CHN2: variants seen among roughly 807,000 people sequenced by gnomAD.
The protein encoded by CHN2 is beta-chimaerin.
CHN2 carries 35 observed loss-of-function variants against 56.3 expected under a neutral mutation model. That is an observed-to-expected ratio of 0.62 (90% confidence interval 0.47 to 0.82). The LOEUF (loss-of-function observed/expected upper bound fraction) is 0.82, where lower values mean the gene tolerates loss of function less well. CHN2 is among the 40% of genes least tolerant of loss of function. CHN2 has a pLI of 0.00. For synonymous variants in CHN2, 210 were observed against 212.8 expected (o/e 0.99, Z 0.12); for missense variants, 491 against 580.5 (o/e 0.85, Z 1.58).
At chr7:29,293,365 C>CT (rs1347298940) in intron 1 of CHN2, among the ~76,000 whole-genome samples, 1 of 40,544 alleles carries the variant, frequency 2.5e-5, no homozygotes, top group South Asian at 1.5e-3. Flanking sequence ...AGCTAATGCC[C>CT]CCCCCCCCCC....
chr7:29,480,268 C>T lies in CHN2; in HGVS notation c.577-11C>T, dbSNP rs988712495. On this transcript the variant is annotated splice_polypyrimidine_tract_variant and intron_variant, in intron 6 of 12. Coordinates refer to ENST00000222792, the MANE Select transcript of CHN2 (RefSeq NM_004067.4). ...CTTTGGCCCCCTCTCAAACTCTTTG[C>T]CTGTTCACAGATCTCCTCCCTGGTT... 2 of 1,614,092 alleles carry T rather than the reference C, an allele frequency of 1.2e-6. No homozygotes were observed. Among genetic ancestry groups the T allele is most frequent in the African/African-American group, 2.7e-5 (2 of 74,926 alleles).
At chr7:29,195,073 C>G (rs1436270830) in intron 1 of CHN2, 83 bp downstream of exon 1, 1 of 1,407,760 alleles carries the variant, frequency 7.1e-7, no homozygotes, top group Non-Finnish European at 9.6e-7. Flanking sequence ...TGGACAGAGC[C>G]TACCTGTGGC....
At chr7:29,394,694 T>C (rs1004835454) in intron 4 of CHN2, among the ~76,000 whole-genome samples, 4 of 152,246 alleles carry the variant, frequency 2.6e-5, no homozygotes, top group East Asian at 1.9e-4. Flanking sequence ...TGTTGTAGTA[T>C]GGCTTTTTTT....
chr7:29,472,932 G>A (rs1786231883), intron 6 of CHN2, among the ~76,000 whole-genome samples: 1 of 152,238 alleles, frequency 6.6e-6, no homozygotes, highest in African/African-American at 2.4e-5. Context: ...AAGAACCTCA[G>A]GAGACCTGAT....
chr7:29,458,014 A>C (rs3909209), intron 6 of CHN2, among the ~76,000 whole-genome samples: 12,164 of 152,246 alleles, frequency 0.08, 615 homozygotes, highest in African/African-American at 0.15. Context: ...CTACAGTTTC[A>C]ATTCCCCACT....
chr7:29,315,482 G>T lies in CHN2; in HGVS notation c.50-39143G>T, dbSNP rs1333350894. On this transcript the variant is annotated intron_variant, in intron 1 of 12. Coordinates refer to ENST00000222792, the MANE Select transcript of CHN2 (RefSeq NM_004067.4). ...ATAAGAGATGACATTGCATTAGGAG[G>T]TTACAATAATAGGATCACCTTAAAT... is the stretch of plus-strand genomic sequence containing the variant. 3.3e-5 allele frequency among the ~76,000 whole-genome samples: 5 copies of T among 152,138 alleles called. No individual in the cohort carries two copies. In the East Asian group the frequency reaches 9.6e-4, roughly 29 times the overall value.
At chr7:29,383,067 T>G (rs971553137) in intron 3 of CHN2, among the ~76,000 whole-genome samples, 2 of 152,180 alleles carry the variant, frequency 1.3e-5, no homozygotes, top group African/African-American at 4.8e-5. Flanking sequence ...AAATACGTAT[T>G]GAGCCCTTGG....
At chr7:29,306,748 G>A (rs1037848756) in intron 1 of CHN2, among the ~76,000 whole-genome samples, 1 of 152,188 alleles carries the variant, frequency 6.6e-6, no homozygotes, top group Admixed American at 6.5e-5. Context: ...AAGAATTGCC[G>A]TGAACTCCCT....
intron 1 of CHN2, among the ~76,000 whole-genome samples, chr7:29,263,133 ACT>A (rs1489500162): frequency 6.6e-6 from 1 of 150,744 alleles, no homozygotes; most frequent in East Asian, 2.0e-4. Context: ...TCCCTGCCTG[ACT>A]CTCCTGCCTC....
chr7:29,208,036 T>C (rs949653326), intron 1 of CHN2, among the ~76,000 whole-genome samples: 1 of 152,208 alleles, frequency 6.6e-6, no homozygotes, highest in African/African-American at 2.4e-5. Context: ...TTTTTAATAC[T>C]TGCTGGTTTT....
Position 29,462,842 on chromosome 7 carries a change from G to C in CHN2, c.577-17437G>C, listed in dbSNP as rs1057304442. On this transcript the variant is annotated intron_variant, in intron 6 of 12. Coordinates refer to ENST00000222792, the MANE Select transcript of CHN2 (RefSeq NM_004067.4). ...AGGTTTGTTACATATGTATACATGTGCCATGTTGGTGTGCTGCACCCAATA... is the reference window on the plus strand; with the variant it reads ...AGGTTTGTTACATATGTATACATGTCCCATGTTGGTGTGCTGCACCCAATA... Among the ~76,000 whole-genome samples the C allele has an allele frequency of 6.6e-4, 100 of 151,618 alleles. 5 individuals carry two copies. Among genetic ancestry groups the C allele is most frequent in the Non-Finnish European group, 7.4e-5 (5 of 67,924 alleles).
chr7:29,189,825 C>T (rs529386948), upstream of CHN2, among the ~76,000 whole-genome samples: 4 of 152,178 alleles, frequency 2.6e-5, no homozygotes, highest in Admixed American at 6.5e-5. Flanking sequence ...GGCAATACCC[C>T]CAAGCCCCCC....
intron 2 of CHN2, among the ~76,000 whole-genome samples, chr7:29,354,940 T>TTTTATTTA (rs58730020): frequency 0.24 from 34,103 of 141,762 alleles, 4,273 homozygotes; most frequent in African/African-American, 0.28. Flanking sequence ...GGGGCTTTAT[T>TTTTATTTA]TTTATTTATT....
chr7:29,478,027 C>T (rs539455937), intron 6 of CHN2, among the ~76,000 whole-genome samples: 1 of 152,270 alleles, frequency 6.6e-6, no homozygotes, highest in African/African-American at 2.4e-5. Context: ...GTTATAGTCA[C>T]TATAATACAA....
intron 2 of CHN2, among the ~76,000 whole-genome samples, chr7:29,157,535 G>C (rs1794571536): frequency 6.6e-6 from 1 of 152,150 alleles, no homozygotes; most frequent in Non-Finnish European, 1.5e-5. Flanking sequence ...AAAATGTTCA[G>C]ACTGATGCAC....
intron 2 of CHN2, among the ~76,000 whole-genome samples, chr7:29,155,066 C>T (rs1359989265): frequency 1.3e-5 from 2 of 152,100 alleles, no homozygotes; most frequent in Non-Finnish European, 2.9e-5. Flanking sequence ...GACTTATTCA[C>T]TGTCAGGAGA....
At chr7:29,239,096 G>C (rs148621153) in intron 1 of CHN2, among the ~76,000 whole-genome samples, 4 of 152,296 alleles carry the variant, frequency 2.6e-5, no homozygotes, top group South Asian at 2.1e-4. Context: ...GGGACTACAG[G>C]AGGCATGGGC....
Position 29,400,558 on chromosome 7 carries a change from C to G in CHN2, c.306C>G (p.Thr102=). ...TCACGGGCAGGTTTGGAAACCAGAC[C>G]TTAAACTACAGGCTCTTCCACGACG... ...YTLALRFGNQ[T]LNYRLFHDGK... The change falls in exon 6 of 13, where the codon ACC becomes ACG. Residue 102 remains threonine (T), a synonymous_variant. Coordinates refer to ENST00000222792, the MANE Select transcript of CHN2 (RefSeq NM_004067.4). 1.2e-6 allele frequency: 2 copies of G among 1,614,080 alleles called. No individual in the cohort carries two copies. Among genetic ancestry groups the G allele is most frequent in the East Asian group, 4.5e-5 (2 of 44,886 alleles).
chr7:29,201,068 A>G (rs1784124605), intron 1 of CHN2, among the ~76,000 whole-genome samples: 1 of 152,208 alleles, frequency 6.6e-6, no homozygotes, highest in African/African-American at 2.4e-5. Flanking sequence ...CCTTTGCTTC[A>G]ACAGTTTGGC....
Sources: allele counts gnomAD v4.1 joint callset (sites outside exome capture counted in the v4.1 genomes callset), GRCh38; gene constraint gnomAD v4.1.1; transcripts MANE v1.5; gene names NCBI Gene and HGNC (gene_info 2026-07-23, HGNC 2026-07-21).